The following STX8 variants were observed in gnomAD, a reference collection of about 807,000 sequenced individuals.
STX8 encodes syntaxin-8.
Under a neutral mutation model 37.5 loss-of-function variants are expected in STX8, and 23 were observed. The ratio of observed to expected loss-of-function variants is 0.61; its 90% CI spans 0.44 to 0.87. STX8 has a LOEUF of 0.87. Among genes scored for constraint, STX8 ranks in the 40% least tolerant of loss-of-function variants. The pLI is 0.00. For synonymous variants in STX8, 115 were observed against 99.1 expected (o/e 1.16, Z -0.95); for missense variants, 313 against 284.7 (o/e 1.10, Z -0.71).
chr17:9,551,764 C>T (rs889605642), intron 3 of STX8, among the ~76,000 whole-genome samples: 11 of 152,136 alleles, frequency 7.2e-5, no homozygotes, highest in African/African-American at 2.7e-4. Context: ...TGCTGTTTGG[C>T]CTTGGTAAGT....
chr17:9,444,138 C>T (rs983419280), intron 6 of STX8, among the ~76,000 whole-genome samples: 2 of 128,580 alleles, frequency 1.6e-5, no homozygotes, highest in African/African-American at 2.9e-5. Flanking sequence ...CACTTTCGCA[C>T]ATTCTTCTCT....
At chr17:9,410,811 A>C (rs1301404604) in intron 6 of STX8, among the ~76,000 whole-genome samples, 1 of 152,226 alleles carries the variant, frequency 6.6e-6, no homozygotes, top group Non-Finnish European at 1.5e-5. Flanking sequence ...TAAAATGTTT[A>C]AAAACATTAT....
Position 9,545,294 on chromosome 17 carries a change from T to C in STX8, c.213-12A>G, listed in dbSNP as rs1296267689. ...CTTCAAGCTGTGTTCTGCAGATATC[T>C]TGTTAAGGTTCAATGGTGAATAAAT... On this transcript the variant is annotated splice_polypyrimidine_tract_variant and intron_variant, in intron 3 of 7. Transcript: ENST00000306357. The C allele has an allele frequency of 1.9e-6, 3 of 1,583,514 alleles. No individual in the cohort carries two copies. The highest frequency in any genetic ancestry group is 2.7e-5 in the African/African-American group (2 of 74,130).
chr17:9,386,731 T>C (rs1257499260), intron 6 of STX8, among the ~76,000 whole-genome samples: 1 of 152,206 alleles, frequency 6.6e-6, no homozygotes, highest in Admixed American at 6.5e-5. Flanking sequence ...TCCCAGAGAC[T>C]GGTAACATGG....
At chr17:9,353,676 T>C (rs1375831843) in intron 7 of STX8, among the ~76,000 whole-genome samples, 2 of 152,190 alleles carry the variant, frequency 1.3e-5, no homozygotes, top group East Asian at 3.9e-4. Flanking sequence ...ATCTACTTAG[T>C]AGAATTCAAG....
At chr17:9,355,182 G>A (rs1016998918) in intron 7 of STX8, among the ~76,000 whole-genome samples, 3 of 152,050 alleles carry the variant, frequency 2.0e-5, no homozygotes, top group Non-Finnish European at 4.4e-5. Context: ...GGTTACTCCT[G>A]TCTGTCAGTT....
intron 4 of STX8, among the ~76,000 whole-genome samples, chr17:9,530,667 C>T (rs530407832): frequency 2.0e-5 from 3 of 152,288 alleles, no homozygotes; most frequent in South Asian, 4.1e-4. Flanking sequence ...AGGTTGCTTG[C>T]CTTTTTCTTG....
At chr17:9,411,542 T>C (rs1259250405) in intron 6 of STX8, among the ~76,000 whole-genome samples, 1 of 152,192 alleles carries the variant, frequency 6.6e-6, no homozygotes, top group East Asian at 1.9e-4. Context: ...GTAAACTTGG[T>C]TTGTAAAATT....
chr17:9,280,492 G>T (rs1907844209), intron 7 of STX8, among the ~76,000 whole-genome samples: 1 of 152,204 alleles, frequency 6.6e-6, no homozygotes, highest in Non-Finnish European at 1.5e-5. Flanking sequence ...GGCTGAGGTT[G>T]CAGTGAGCCA....
At chr17:9,530,620 T>C (rs1905778822) in intron 4 of STX8, among the ~76,000 whole-genome samples, 1 of 152,232 alleles carries the variant, frequency 6.6e-6, no homozygotes, top group Non-Finnish European at 1.5e-5. Flanking sequence ...GAATATCCTC[T>C]TGTGAAATTC....
chr17:9,456,686 T>C (rs1011796568), intron 6 of STX8, among the ~76,000 whole-genome samples: 6 of 152,182 alleles, frequency 3.9e-5, no homozygotes, highest in Non-Finnish European at 8.8e-5. Context: ...TCTGAATGCC[T>C]GGAGGTCACT....
intron 2 of STX8, 95 bp downstream of exon 2, chr17:9,568,276 C>A: frequency 1.2e-6 from 1 of 844,636 alleles, no homozygotes; most frequent in South Asian, 1.7e-5. Context: ...TCATCATACA[C>A]ACATGTGCAC....
chr17:9,301,079 G>C (rs901808495), intron 7 of STX8, among the ~76,000 whole-genome samples: 4 of 151,812 alleles, frequency 2.6e-5, no homozygotes, highest in African/African-American at 9.7e-5. Flanking sequence ...TGATCCACCC[G>C]CCTCGGCCTC....
chr17:9,452,892 G>C (rs1905086885), intron 6 of STX8, among the ~76,000 whole-genome samples: 1 of 151,502 alleles, frequency 6.6e-6, no homozygotes, highest in East Asian at 1.9e-4. Context: ...CTGCAACCCT[G>C]CCTCCCGGGT....
chr17:9,327,661 G>A (rs1342936218), intron 7 of STX8, among the ~76,000 whole-genome samples: 1 of 152,076 alleles, frequency 6.6e-6, no homozygotes. Context: ...TTTTAGACAA[G>A]GTAGGGCAGA....
At chr17:9,440,444 A>G (rs1159012933) in intron 6 of STX8, among the ~76,000 whole-genome samples, 1 of 151,448 alleles carries the variant, frequency 6.6e-6, no homozygotes, top group African/African-American at 2.4e-5. Flanking sequence ...TTCACCCCCA[A>G]TTTACTGCAG....
intron 6 of STX8, among the ~76,000 whole-genome samples, chr17:9,386,993 C>T (rs1912036474): frequency 6.6e-6 from 1 of 151,904 alleles, no homozygotes; most frequent in African/African-American, 2.4e-5. Context: ...CCTCAGCCTC[C>T]CAAGTAGCTG....
At chr17:9,402,244 T>G (rs1040467504) in intron 6 of STX8, among the ~76,000 whole-genome samples, 2 of 151,998 alleles carry the variant, frequency 1.3e-5, no homozygotes, top group African/African-American at 4.8e-5. Context: ...CTCAGCCTCC[T>G]GAGTAGCTGG....
chr17:9,319,194 C>T (rs184903871), intron 7 of STX8, among the ~76,000 whole-genome samples: 4 of 151,790 alleles, frequency 2.6e-5, no homozygotes, highest in East Asian at 2.0e-4. Context: ...CCGAGGCGGG[C>T]GGATCACAAG....
Sources: allele counts gnomAD v4.1 joint callset (sites outside exome capture counted in the v4.1 genomes callset), GRCh38; gene constraint gnomAD v4.1.1; transcripts MANE v1.5; gene names NCBI Gene and HGNC (gene_info 2026-07-23, HGNC 2026-07-21).